EPB41L4A: variants seen among roughly 807,000 people sequenced by gnomAD.
The protein encoded by EPB41L4A is erythrocyte membrane protein band 4.1 like 4A, also known as band 4.1-like protein 4A.
Under a neutral mutation model 108.6 loss-of-function variants are expected in EPB41L4A, and 100 were observed. The ratio of observed to expected loss-of-function variants is 0.92; its 90% CI spans 0.78 to 1.09. EPB41L4A has a LOEUF of 1.09. Ranked by LOEUF, EPB41L4A falls within the 50% of genes least tolerant of loss-of-function variation. The pLI is 0.00. For missense variants in EPB41L4A, 1,030 were observed against 842.7 expected (o/e 1.22, Z -2.75); for synonymous variants, 319 against 289.0 (o/e 1.10, Z -1.05).
At chr5:112,400,268 G>A (rs1041177223) in intron 1 of EPB41L4A, among the ~76,000 whole-genome samples, 38 of 151,888 alleles carry the variant, frequency 2.5e-4, no homozygotes, top group African/African-American at 8.7e-4. Context: ...AACAGCATGC[G>A]GAAAACCGCC....
intron 1 of EPB41L4A, among the ~76,000 whole-genome samples, chr5:112,311,861 T>C (rs1176026555): frequency 6.6e-6 from 1 of 152,214 alleles, no homozygotes; most frequent in Admixed American, 6.5e-5. Context: ...TATGGGTCCT[T>C]TCTCCCATCT....
chr5:112,392,768 C>T (rs1029337271), intron 1 of EPB41L4A: 1 of 152,206 alleles, frequency 6.6e-6, no homozygotes. Flanking sequence ...ACTCTCCACC[C>T]CAAATCAACA....
chr5:112,312,907 A>G (rs2150593890), intron 1 of EPB41L4A, among the ~76,000 whole-genome samples: 1 of 152,344 alleles, frequency 6.6e-6, no homozygotes, highest in Non-Finnish European at 1.5e-5. Context: ...GAAATGAAGA[A>G]CTGACAGAGA....
At chr5:112,181,363 ATG>A (rs1250402229) in intron 18 of EPB41L4A, among the ~76,000 whole-genome samples, 10 of 152,218 alleles carry the variant, frequency 6.6e-5, no homozygotes, top group Non-Finnish European at 8.8e-5. Context: ...AGACAGGAGA[ATG>A]GCGTGGAACC....
At chr5:112,182,510 T>C (rs1353735026) in intron 18 of EPB41L4A, among the ~76,000 whole-genome samples, 3 of 152,246 alleles carry the variant, frequency 2.0e-5, no homozygotes, top group Non-Finnish European at 4.4e-5. Context: ...AATTTTATTT[T>C]ACTTTCCCCT....
chr5:112,238,260 AAAC>A (rs2150375613), intron 11 of EPB41L4A, among the ~76,000 whole-genome samples: 1 of 152,330 alleles, frequency 6.6e-6, no homozygotes, highest in East Asian at 1.9e-4. Flanking sequence ...ATATAAATGT[AAAC>A]AATACTTCCT....
chr5:112,347,538 G>A (rs899557362), intron 1 of EPB41L4A, among the ~76,000 whole-genome samples: 2 of 152,246 alleles, frequency 1.3e-5, no homozygotes, highest in East Asian at 1.9e-4. Context: ...CCACAACATG[G>A]ACTCACCTAA....
intron 1 of EPB41L4A, among the ~76,000 whole-genome samples, chr5:112,400,890 AC>A (rs1761704517): frequency 2.0e-5 from 3 of 152,228 alleles, no homozygotes; most frequent in Admixed American, 2.0e-4. Context: ...GAGTGCAAGT[AC>A]TGTTAAAACT....
chr5:112,144,610 G>A (rs1280278856), intron 13 of EPB41L4A, among the ~76,000 whole-genome samples: 1 of 152,104 alleles, frequency 6.6e-6, no homozygotes, highest in African/African-American at 2.4e-5. Context: ...AGGCTTTACT[G>A]GCCATGGCTG....
chr5:112,234,833 C>T (rs1749215133), intron 11 of EPB41L4A, 78 bp from the exon 12 acceptor site: 16 of 1,474,144 alleles, frequency 1.1e-5, no homozygotes, highest in South Asian at 5.5e-5. Flanking sequence ...TTCAGAACAT[C>T]TGCCAAATAT....
chr5:112,323,758 T>C (rs1227288017), intron 1 of EPB41L4A, among the ~76,000 whole-genome samples: 1 of 152,206 alleles, frequency 6.6e-6, no homozygotes, highest in Non-Finnish European at 1.5e-5. Flanking sequence ...TTGCTTTATT[T>C]AGAGGTTATT....
intron 12 of EPB41L4A, among the ~76,000 whole-genome samples, chr5:112,227,373 C>A (rs1748536524): frequency 6.6e-6 from 1 of 152,094 alleles, no homozygotes. Context: ...TCACAGTGGT[C>A]CACACTGTGA....
chr5:112,224,518 A>T (rs77066969), intron 12 of EPB41L4A, among the ~76,000 whole-genome samples: 4,549 of 152,300 alleles, frequency 0.03, 242 homozygotes, highest in African/African-American at 0.1. Context: ...TTTAAAGCTT[A>T]CATACCCAAT....
chr5:112,367,203 G>A (rs561205556), intron 1 of EPB41L4A, among the ~76,000 whole-genome samples: 103 of 152,208 alleles, frequency 6.8e-4, no homozygotes, highest in Non-Finnish European at 1.1e-3. Flanking sequence ...GTTTGCACCT[G>A]TAGTCACAGG....
At chr5:112,321,589 T>C (rs1470313368) in intron 1 of EPB41L4A, among the ~76,000 whole-genome samples, 1 of 152,246 alleles carries the variant, frequency 6.6e-6, no homozygotes, top group Non-Finnish European at 1.5e-5. Flanking sequence ...ATTTTAATAA[T>C]GTTTATGACA....
chr5:112,368,836 G>T (rs1483234697), intron 1 of EPB41L4A, among the ~76,000 whole-genome samples: 1 of 151,942 alleles, frequency 6.6e-6, no homozygotes. Context: ...CTCCTTCAAT[G>T]CTGCTGTCCC....
chr5:112,355,666 G>T (rs180756330), intron 1 of EPB41L4A, among the ~76,000 whole-genome samples: 1 of 152,108 alleles, frequency 6.6e-6, no homozygotes, highest in African/African-American at 2.4e-5. Flanking sequence ...ATGTTTTGCC[G>T]AAGAACACCA....
intron 6 of EPB41L4A, chr5:112,264,147 C>T (rs1326301881): frequency 6.6e-6 from 1 of 152,076 alleles, no homozygotes; most frequent in African/African-American, 2.4e-5. Flanking sequence ...AGATCTGAAA[C>T]CAAGTATATT....
At chr5:112,258,864 G>C (rs1452019303) in intron 9 of EPB41L4A, among the ~76,000 whole-genome samples, 1 of 152,184 alleles carries the variant, frequency 6.6e-6, no homozygotes, top group Non-Finnish European at 1.5e-5. Context: ...AGCAAAATTA[G>C]AATGCATTTT....
Sources: allele counts gnomAD v4.1 joint callset (sites outside exome capture counted in the v4.1 genomes callset), GRCh38; gene constraint gnomAD v4.1.1; transcripts MANE v1.5; gene names NCBI Gene and HGNC (gene_info 2026-07-23, HGNC 2026-07-21).